The following BRWD3 variants were observed in gnomAD, a reference collection of about 807,000 sequenced individuals.
BRWD3 encodes bromodomain and WD repeat-containing protein 3.
Under a neutral mutation model 149.7 loss-of-function variants are expected in BRWD3, and 10 were observed. That is an observed-to-expected ratio of 0.07 (90% CI 0.04 to 0.11). The LOEUF is 0.11. Ranked by LOEUF, BRWD3 falls within the 10% of genes least tolerant of loss-of-function variation. The pLI, the probability that BRWD3 is intolerant of heterozygous loss-of-function variation, is 1.00. For synonymous variants in BRWD3, 504 were observed against 456.7 expected, an observed-to-expected ratio of 1.10 and a Z score of -1.32; for missense variants, 940 against 1,373.2, an observed-to-expected ratio of 0.68 and a Z score of 4.99.
intron 20 of BRWD3, among the ~76,000 whole-genome samples, chrX:80,712,893 T>C (rs2073006030): frequency 1.1e-5 from 1 of 91,786 alleles, no homozygotes; most frequent in Non-Finnish European, 2.4e-5. Context: ...GTCTGAGAAG[T>C]GAGGAGCCCC....
intron 14 of BRWD3, among the ~76,000 whole-genome samples, chrX:80,727,937 C>A (rs2073273690): frequency 9.0e-6 from 1 of 111,615 alleles, no homozygotes; most frequent in African/African-American, 3.2e-5. Flanking sequence ...TCTAATTTAC[C>A]ATTTATATCT....
rs1465149691 is a variant in BRWD3, at chrX:80,743,245, T to C, written c.813+787A>G. ...CCAGCCGTGCATCCCAGGGATGAAGTCCACTTGATCATGGTGGATAAGCTT... is the reference window on the plus strand; with the variant it reads ...CCAGCCGTGCATCCCAGGGATGAAGCCCACTTGATCATGGTGGATAAGCTT... On this transcript the variant is annotated intron_variant, in intron 8 of 40. Coordinates refer to ENST00000373275, the MANE Select transcript of BRWD3 (RefSeq NM_153252.5). Among the ~76,000 whole-genome samples the C allele has an allele frequency of 2.7e-5, 3 of 111,989 alleles. No homozygotes were observed. The East Asian group carries it at 8.4e-4, about 32-fold the overall frequency.
chrX:80,806,356 A>G (rs1252457574), intron 4 of BRWD3, among the ~76,000 whole-genome samples: 1 of 112,239 alleles, frequency 8.9e-6, no homozygotes, highest in Non-Finnish European at 1.9e-5. Context: ...TAGTAATGAA[A>G]AAAAAAGAGC....
chrX:80,697,216 C>T (rs1440004857), intron 25 of BRWD3, among the ~76,000 whole-genome samples: 1 of 111,595 alleles, frequency 9.0e-6, no homozygotes, highest in East Asian at 2.8e-4. Flanking sequence ...AAAAATCACT[C>T]CCCTAGCAAA....
Position 80,691,997 on chromosome X carries a change from A to G in BRWD3, c.3326-19T>C, listed in dbSNP as rs746265253. On this transcript the variant is annotated intron_variant, in intron 29 of 40. Coordinates refer to ENST00000373275, the MANE Select transcript of BRWD3 (RefSeq NM_153252.5). ...AAGGCAGCTAGGTATAAGATAAAAA[A>G]AAAAAAATTAGAAAAAATTATTTTC... The G allele has an allele frequency of 1.2e-5, 14 of 1,183,455 alleles. No individual in the cohort carries two copies. The highest frequency in any genetic ancestry group is 1.6e-5 in the Non-Finnish European group (14 of 881,801).
At chrX:80,802,593 G>A (rs192804679) in intron 4 of BRWD3, among the ~76,000 whole-genome samples, 4 of 109,424 alleles carry the variant, frequency 3.7e-5, no homozygotes, top group East Asian at 2.9e-4. Context: ...AAAATGTAGC[G>A]AACAATTCAT....
At chrX:80,761,367 T>C (rs1364660693) in intron 6 of BRWD3, among the ~76,000 whole-genome samples, 1 of 111,843 alleles carries the variant, frequency 8.9e-6, no homozygotes, top group Admixed American at 9.5e-5. Context: ...TCTTCATGCA[T>C]GAAAAATAGA....
At chrX:80,774,810 A>T (rs2073983505) in intron 6 of BRWD3, among the ~76,000 whole-genome samples, 1 of 111,201 alleles carries the variant, frequency 9.0e-6, no homozygotes, top group Admixed American at 9.6e-5. Flanking sequence ...CTCCATTTCT[A>T]TCACTACCAT....
chrX:80,775,988 T>A (rs1194020265), intron 6 of BRWD3, among the ~76,000 whole-genome samples: 2 of 112,137 alleles, frequency 1.8e-5, no homozygotes, highest in Non-Finnish European at 3.8e-5. Context: ...CTGCCTAACA[T>A]CACAGAGTCA....
Position 80,670,599 on chromosome X carries a change from T to C in BRWD3, c.*6010A>G, listed in dbSNP as rs2072315593. On this transcript the variant is annotated 3_prime_UTR_variant, in exon 41 of 41. Coordinates refer to ENST00000373275, the MANE Select transcript of BRWD3 (RefSeq NM_153252.5). ...CCAGCTAATTAAAAAAAAAATTGTT[T>C]TGTAGATACGGTGTCTCACTATGCT... Among the ~76,000 whole-genome samples the C allele has an allele frequency of 9.1e-6, 1 of 110,047 alleles. No homozygotes were observed. The highest frequency in any genetic ancestry group is 1.9e-5 in the Non-Finnish European group (1 of 52,779).
chrX:80,717,190 A>C (rs2073085144), intron 19 of BRWD3: 1 of 136,564 alleles, frequency 7.3e-6, no homozygotes, highest in Non-Finnish European at 1.5e-5. Flanking sequence ...ATTTCTAAAG[A>C]TACTCTAAGC....
At chrX:80,692,006 T>A (rs2072619030) in intron 29 of BRWD3, 28 bp from the exon 30 acceptor site, 2 of 1,169,305 alleles carry the variant, frequency 1.7e-6, no homozygotes, top group African/African-American at 3.6e-5. Flanking sequence ...AAAAAAAAAT[T>A]AGAAAAAATT....
At chrX:80,723,566 A>T (rs914802710) in intron 16 of BRWD3, among the ~76,000 whole-genome samples, 182 bp downstream of exon 16, 3 of 109,833 alleles carry the variant, frequency 2.7e-5, no homozygotes, top group Admixed American at 9.7e-5. Context: ...TGATCTGCAC[A>T]GCCAAACCTA....
intron 24 of BRWD3, among the ~76,000 whole-genome samples, chrX:80,702,928 C>G (rs1004971870): frequency 2.7e-5 from 3 of 111,358 alleles, no homozygotes; most frequent in Non-Finnish European, 5.7e-5. Flanking sequence ...TCCAATGTTA[C>G]GATAATTTTC....
chrX:80,741,585 T>G (rs1426152274), intron 8 of BRWD3, among the ~76,000 whole-genome samples: 2 of 111,816 alleles, frequency 1.8e-5, no homozygotes, highest in African/African-American at 6.5e-5. Context: ...TTTCCTGACT[T>G]TTTAATGATT....
In BRWD3 at chrX:80,676,384, T is replaced by C; in HGVS notation, c.*225A>G. On this transcript the variant is annotated 3_prime_UTR_variant, in exon 41 of 41. Coordinates refer to ENST00000373275, the MANE Select transcript of BRWD3 (RefSeq NM_153252.5). The stretch of plus-strand genomic sequence containing the variant: ...GTGTGTGTATGTGTTTGTGTGTGTG[T>C]GGGCAGAATTTCTTTTAATTTAAGG... 4.6e-6 allele frequency: 2 copies of C among 430,951 alleles called. No individual in the cohort carries two copies. Among genetic ancestry groups the C allele is most frequent in the Non-Finnish European group, 8.0e-6 (2 of 249,243 alleles). The allele number at this position is 430,951 out of a possible 1,213,427, so 35.5% of individuals were successfully genotyped here. A position where few individuals can be genotyped will look rare whatever the true frequency, so the allele number is the denominator to read the frequency against.
chrX:80,710,183 C>T, intron 20 of BRWD3: 1 of 487,560 alleles, frequency 2.1e-6, no homozygotes, highest in Non-Finnish European at 3.8e-6. Context: ...TTTTATGTGC[C>T]AGGAGTGTTT....
chrX:80,700,433 G>GATATATATATATATATATGT (rs748889698), intron 24 of BRWD3, among the ~76,000 whole-genome samples: 1 of 55,633 alleles, frequency 1.8e-5, no homozygotes, highest in African/African-American at 6.2e-5. Flanking sequence ...GAAAATATTT[G>GATATATATATATATATATGT]ATATATATAA....
intron 9 of BRWD3, 90 bp from the exon 10 acceptor site, chrX:80,735,287 G>A (rs2073387113): frequency 1.4e-6 from 1 of 706,971 alleles, no homozygotes; most frequent in South Asian, 2.2e-5. Context: ...GATCAATTTA[G>A]CATCAATATT....
Sources: gnomAD v4.1 joint callset for allele counts (sites outside exome capture counted in the v4.1 genomes callset) on GRCh38, gnomAD v4.1.1 for gene constraint, MANE v1.5 for transcripts, NCBI Gene and HGNC (gene_info 2026-07-23, HGNC 2026-07-21) for gene names.